The following C20orf173 variants were observed in gnomAD, a reference collection of about 807,000 sequenced individuals.
The protein encoded by C20orf173 is chromosome 20 open reading frame 173.
A neutral mutation model predicts 26.7 loss-of-function variants in C20orf173; 22 were observed. That is an observed-to-expected ratio of 0.82 (90% CI 0.59 to 1.18). The LOEUF (loss-of-function observed/expected upper bound fraction) is 1.18, where lower values mean the gene tolerates loss of function less well. Among genes scored for constraint, C20orf173 ranks in the 50% most tolerant of loss-of-function variants. The pLI is 0.00. For synonymous variants in C20orf173, 85 were observed against 96.4 expected (o/e 0.88, Z 0.69); for missense variants, 210 against 250.3 (o/e 0.84, Z 1.09).
In C20orf173 at chr20:35,529,207, C is replaced by T. The variant is rs754550369; in HGVS notation, c.167G>A (p.Cys56Tyr). The T allele has an allele frequency of 9.7e-6, 15 of 1,551,572 alleles. No individual in the cohort carries two copies. The South Asian group carries it at 1.8e-4, about 18-fold the overall frequency. Residue 56 changes from cysteine to tyrosine, a missense_variant, in exon 2 of 6, where the codon TGC (cysteine) becomes TAC (tyrosine). Physicochemically the swap from Cys to Tyr is radical, Grantham distance 194. Coordinates refer to ENST00000444723, the MANE Select transcript of C20orf173 (RefSeq NM_001145350.2). Reference protein sequence around the residue: ...CPWFSSGKCGCPSETLNCSSC... With the variant: ...CPWFSSGKCGYPSETLNCSSC... ...GGAGCAGTTGAGGGTCTCAGAAGGG[C>T]AGCCACACTTCCCGGAACTGAACCA... is the stretch of plus-strand genomic sequence containing the variant.
chr20:35,525,064 T>A (rs571461693), downstream of C20orf173, among the ~76,000 whole-genome samples: 4 of 151,730 alleles, frequency 2.6e-5, no homozygotes, highest in South Asian at 8.3e-4. Context: ...TTTGCATGTC[T>A]AGAAACGCCA....
intron 2 of C20orf173, 28 bp from the exon 3 acceptor site, chr20:35,528,907 G>T (rs1307685063): frequency 6.4e-7 from 1 of 1,551,160 alleles, no homozygotes; most frequent in Non-Finnish European, 8.7e-7. Context: ...GAGATTGGGG[G>T]CTGGGCCCAG....
chr20:35,529,422 T>C lies in C20orf173; in HGVS notation c.-49A>G. 7 of 1,470,590 alleles carry C rather than the reference T, an allele frequency of 4.8e-6. No homozygotes were observed. Among genetic ancestry groups the C allele is most frequent in the Non-Finnish European group, 5.4e-6 (6 of 1,105,458 alleles). 91.1% of individuals were successfully genotyped at this position (1,470,590 alleles called of 1,614,324 possible). The stretch of plus-strand genomic sequence containing the variant: ...GTGGTGGGCCGTAGACTGGCTTCTC[T>C]ACCTGTAAGGATGAGGGGCTGAGGC... On this transcript the variant is annotated splice_region_variant and 5_prime_UTR_variant, in exon 2 of 6. Coordinates refer to ENST00000444723, the MANE Select transcript of C20orf173 (RefSeq NM_001145350.2).
Position 35,528,765 on chromosome 20 carries a change from G to T in C20orf173, c.424C>A (p.Arg142Ser), listed in dbSNP as rs182903490. 1.1e-5 allele frequency: 17 copies of T among 1,548,574 alleles called. 1 individual carries two copies. The South Asian group carries it at 1.9e-4, about 17-fold the overall frequency. Residue 142 changes from arginine to serine, a missense_variant, in exon 3 of 6, where the codon CGC (arginine) becomes AGC (serine). Coordinates refer to ENST00000444723, the MANE Select transcript of C20orf173 (RefSeq NM_001145350.2). ...CTGGAGCCCTGCGGGATCTGTGGGC[G>T]CCCCAACAGCACACAAGTCCCACAA... ...FYCGTCVLLG[R>S]PQIPQGSSLG...
At chr20:35,527,565 G>T (rs1156701381) in intron 5 of C20orf173, among the ~76,000 whole-genome samples, 3 of 152,098 alleles carry the variant, frequency 2.0e-5, no homozygotes, top group Admixed American at 6.6e-5. Flanking sequence ...GGAATTCTAA[G>T]AGCCCATTAT....
Position 35,529,399 on chromosome 20 carries a change from G to C in C20orf173, c.-26C>G. The C allele has an allele frequency of 2.0e-6, 3 of 1,509,550 alleles. No homozygotes were observed. Among genetic ancestry groups the C allele is most frequent in the Non-Finnish European group, 2.7e-6 (3 of 1,129,134 alleles). 93.5% of individuals were successfully genotyped at this position (1,509,550 alleles called of 1,614,324 possible). Reference sequence around the variant, plus strand: ...GTCTGGCCCAGGCGGTGGCTCCCGTGGTGGGCCGTAGACTGGCTTCTCTAC... The same window carrying C: ...GTCTGGCCCAGGCGGTGGCTCCCGTCGTGGGCCGTAGACTGGCTTCTCTAC... On this transcript the variant is annotated 5_prime_UTR_variant, in exon 2 of 6. Coordinates refer to ENST00000444723, the MANE Select transcript of C20orf173 (RefSeq NM_001145350.2).
At position 35,528,277 on chromosome 20, in the gene C20orf173, T is replaced by C; in HGVS notation, c.590A>G (p.Glu197Gly). The C allele has an allele frequency of 6.4e-7, 1 of 1,552,012 alleles. No individual in the cohort carries two copies. Among genetic ancestry groups the C allele is most frequent in the Non-Finnish European group, 8.7e-7 (1 of 1,147,060 alleles). ...ACTCCACTAGGGAACCAGACCATCT[T>C]CCAAAATCTGAGAAAGAATTGGAGG... ...TSDALSDKIL[E>G]DGLVP is the part of the protein sequence containing the mutation. The change falls in exon 5 of 6, where the codon GAA becomes GGA. Residue 197 changes from glutamate (E) to glycine (G), a missense_variant. Coordinates refer to ENST00000444723, the MANE Select transcript of C20orf173 (RefSeq NM_001145350.2).
chr20:35,522,219 G>A (rs954258755), downstream of C20orf173: 2 of 152,588 alleles, frequency 1.3e-5, no homozygotes, highest in African/African-American at 4.8e-5. Context: ...GTTCCACCAG[G>A]AACCTGAACC....
downstream of C20orf173, among the ~76,000 whole-genome samples, chr20:35,521,644 T>C (rs1485004232): frequency 6.6e-6 from 1 of 151,512 alleles, no homozygotes; most frequent in Non-Finnish European, 1.5e-5. Flanking sequence ...GTTTTGCTCT[T>C]GTTGCCCAGG....
chr20:35,524,818 C>A (rs1473623898), downstream of C20orf173, among the ~76,000 whole-genome samples: 1 of 151,788 alleles, frequency 6.6e-6, no homozygotes, highest in East Asian at 1.9e-4. Flanking sequence ...CCTGTCTCAG[C>A]CTCCTGAGTA....
At chr20:35,521,225 C>T (rs746560026), downstream of C20orf173, 3 of 152,670 alleles carry the variant, frequency 2.0e-5, no homozygotes, top group Non-Finnish European at 2.9e-5. Flanking sequence ...CCTATCATGC[C>T]TTCAGCACCA....
chr20:35,528,541 A>G lies in C20orf173; in HGVS notation c.492T>C (p.Asn164=), dbSNP rs1349350015. The change falls in exon 4 of 6, where the codon AAT becomes AAC. Residue 164 remains asparagine, a synonymous_variant. Transcript: ENST00000444723. The stretch of plus-strand genomic sequence containing the variant: ...GCATCCAGGAGCCCTGGTCGCTGGC[A>G]TTCCTGGGATAGATGAAGCATTGTG... ...DIDQYPVVFR[N]ASDQGSWMQL... 6.4e-7 allele frequency: 1 copy of G among 1,551,672 alleles called. No individual in the cohort carries two copies. Among genetic ancestry groups the G allele is most frequent in the Non-Finnish European group, 8.7e-7 (1 of 1,146,986 alleles).
At chr20:35,522,574 A>T (rs2064481428), downstream of C20orf173, 1 of 152,700 alleles carries the variant, frequency 6.5e-6, no homozygotes, top group South Asian at 2.1e-4. Context: ...AGCCTCAGAC[A>T]GGGGCCTGGT....
downstream of C20orf173, chr20:35,523,219 GA>G (rs1264722374): frequency 2.0e-5 from 3 of 152,464 alleles, no homozygotes; most frequent in African/African-American, 7.2e-5. Flanking sequence ...CCATATTACG[GA>G]GGTCCTTCTG....
chr20:35,526,419 A>G (rs920775877), downstream of C20orf173, among the ~76,000 whole-genome samples: 1 of 152,326 alleles, frequency 6.6e-6, no homozygotes, highest in South Asian at 2.1e-4. Flanking sequence ...TGAGCCTAGG[A>G]GTTCAAGGCC....
chr20:35,529,468 C>T, intron 1 of C20orf173, 44 bp from the exon 2 acceptor site: 1 of 1,236,590 alleles, frequency 8.1e-7, no homozygotes, highest in Admixed American at 2.6e-5. Flanking sequence ...ACCAGCTTCC[C>T]TCTGTCCTGT....
intron 5 of C20orf173, among the ~76,000 whole-genome samples, chr20:35,527,521 G>A (rs1752770738): frequency 6.6e-6 from 1 of 152,224 alleles, no homozygotes; most frequent in Admixed American, 6.5e-5. Context: ...ACGGAATGGT[G>A]CGAGAGAAGG....
chr20:35,521,191 A>T (rs2064472778), downstream of C20orf173: 1 of 152,622 alleles, frequency 6.6e-6, no homozygotes, highest in African/African-American at 2.4e-5. Flanking sequence ...AACGGGCTGG[A>T]TCCTGCCCTG....
At chr20:35,521,588 G>A (rs181737195), downstream of C20orf173, among the ~76,000 whole-genome samples, 278 of 151,922 alleles carry the variant, frequency 1.8e-3, 3 homozygotes, top group Admixed American at 2.2e-3. Flanking sequence ...TAGATTTAAC[G>A]GGAAGTCCTT....
Sources: gnomAD v4.1 joint callset for allele counts (sites outside exome capture counted in the v4.1 genomes callset) on GRCh38, gnomAD v4.1.1 for gene constraint, MANE v1.5 for transcripts, NCBI Gene and HGNC (gene_info 2026-07-23, HGNC 2026-07-21) for gene names.